Variants in KCNQ4 observed in about 807,000 individuals in gnomAD.
KCNQ4 encodes the protein potassium voltage-gated channel subfamily Q member 4.
KCNQ4 carries 31 observed loss-of-function variants against 72.6 expected under a neutral mutation model. The ratio of observed to expected loss-of-function variants is 0.43; its 90% CI spans 0.32 to 0.58. KCNQ4 has a LOEUF of 0.58. Among genes scored for constraint, KCNQ4 ranks in the 20% least tolerant of loss-of-function variants. The probability of loss-of-function intolerance (pLI) is 0.08; values close to 1 mark genes in which losing one functional copy is unlikely to be tolerated. For synonymous variants in KCNQ4, 405 were observed against 403.7 expected, an observed-to-expected ratio of 1.00 and a Z score of -0.04; for missense variants, 869 against 962.6, an observed-to-expected ratio of 0.90 and a Z score of 1.29.
chr1:40,837,720 G>A lies in KCNQ4; in HGVS notation c.1801G>A (p.Asp601Asn). 1.2e-6 allele frequency: 2 copies of A among 1,613,344 alleles called. No individual in the cohort carries two copies. The highest frequency in any genetic ancestry group is 2.2e-5 in the South Asian group (2 of 90,888). Residue 601 changes from aspartate (D) to asparagine (N), a missense_variant, in exon 13 of 14, where the codon GAC (aspartate) becomes AAC (asparagine). Physicochemically the swap from Asp to Asn is conservative, Grantham distance 23 (BLOSUM62 1). Transcript: ENST00000347132. ...PGDRKAREKG[D>N]KGPSDAEVVD... is the part of the protein sequence containing the mutation. Reference sequence around the variant, plus strand: ...GGACAGGAAGGCCCGGGAGAAGGGCGACAAGGGGCCCTCCGACGCGGAGGT... The same window carrying A: ...GGACAGGAAGGCCCGGGAGAAGGGCAACAAGGGGCCCTCCGACGCGGAGGT...
At chr1:40,827,222 G>A (rs1396226624) in intron 9 of KCNQ4, among the ~76,000 whole-genome samples, 1 of 152,172 alleles carries the variant, frequency 6.6e-6, no homozygotes, top group Non-Finnish European at 1.5e-5. Context: ...CTGTGCACTA[G>A]GGACACGGTG....
At chr1:40,829,508 C>G (rs932225834) in intron 9 of KCNQ4, among the ~76,000 whole-genome samples, 1 of 152,180 alleles carries the variant, frequency 6.6e-6, no homozygotes, top group South Asian at 2.1e-4. Context: ...TCCTGGCCAC[C>G]TTCCTGAAGG....
intron 1 of KCNQ4, among the ~76,000 whole-genome samples, chr1:40,799,099 C>A (rs1647497304): frequency 6.6e-6 from 1 of 152,266 alleles, no homozygotes; most frequent in African/African-American, 2.4e-5. Flanking sequence ...TTGCCCCATG[C>A]CCAGCAGCCC....
chr1:40,810,836 A>T (rs978120167), intron 1 of KCNQ4, among the ~76,000 whole-genome samples: 1 of 152,160 alleles, frequency 6.6e-6, no homozygotes, highest in African/African-American at 2.4e-5. Context: ...TGTGTTTCTG[A>T]CAGGGAAATT....
chr1:40,835,017 C>T lies in KCNQ4; in HGVS notation c.1664C>T (p.Pro555Leu), dbSNP rs764622728. 1.1e-5 allele frequency: 18 copies of T among 1,613,974 alleles called. No homozygotes were observed. Among genetic ancestry groups the T allele is most frequent in the Admixed American group, 3.3e-5 (2 of 60,004 alleles). Reference sequence around the variant, plus strand: ...AGGAAATTCAAGGAGACACTGCGACCGTACGACGTGAAGGACGTCATTGAG... The same window carrying T: ...AGGAAATTCAAGGAGACACTGCGACTGTACGACGTGAAGGACGTCATTGAG... ...AKRKFKETLR[P>L]YDVKDVIEQY... The change falls in exon 12 of 14, where the codon CCG becomes CTG. Residue 555 changes from proline to leucine, a missense_variant. This residue lies in a region of KCNQ4 where 480 missense variants were observed against 501.9 expected (regional missense o/e 0.96). Transcript: ENST00000347132.
intron 1 of KCNQ4, among the ~76,000 whole-genome samples, chr1:40,810,069 A>AAAG (rs1647881990): frequency 6.6e-6 from 1 of 150,828 alleles, no homozygotes; most frequent in African/African-American, 2.4e-5. Context: ...CAAAAAAAAA[A>AAAG]AGAACTCTAC....
rs1339179507 is a variant in KCNQ4, at chr1:40,819,819, C to T, written c.835-56C>T. 5 of 1,388,048 alleles carry T rather than the reference C, an allele frequency of 3.6e-6. No individual in the cohort carries two copies. The East Asian group carries it at 1.1e-4, about 32-fold the overall frequency. 86.0% of individuals were successfully genotyped at this position (1,388,048 alleles called of 1,614,324 possible). ...GGCTCCTACCTGCCTGTACCCCCAA[C>T]AAGCCGTAGGTGGCCCCCGTGACCA... On this transcript the variant is annotated intron_variant, in intron 5 of 13. Transcript: ENST00000347132.
At chr1:40,820,496 G>T (rs927839076) in intron 7 of KCNQ4, among the ~76,000 whole-genome samples, 4 of 152,250 alleles carry the variant, frequency 2.6e-5, no homozygotes, top group Non-Finnish European at 5.9e-5. Context: ...AGCCAGAACT[G>T]CCCTATTGCC....
intron 1 of KCNQ4, among the ~76,000 whole-genome samples, chr1:40,786,306 C>T (rs1557980161): frequency 6.6e-6 from 1 of 152,212 alleles, no homozygotes; most frequent in Non-Finnish European, 1.5e-5. Flanking sequence ...TTACAGCCCC[C>T]ACAAGGGTCA....
In KCNQ4 at chr1:40,838,510, C is replaced by A; in HGVS notation, c.2075C>A (p.Thr692Asn). The change falls in exon 14 of 14, where the codon ACC (threonine) becomes AAC (asparagine). Residue 692 changes from threonine to asparagine, a missense_variant. Around this residue, in one of 5 missense-constraint regions of KCNQ4, gnomAD observed 480 missense variants for 501.9 expected, o/e 0.96. Coordinates refer to ENST00000347132, the MANE Select transcript of KCNQ4 (RefSeq NM_004700.4). ...QTLSISRSVS[T>N]NMD is the part of the protein sequence containing the mutation. ...CTCAGCATCTCCCGCTCGGTCAGCA[C>A]CAACATGGACTGAGGGACTTCTCAG... 6.2e-7 allele frequency: 1 copy of A among 1,614,082 alleles called. No individual in the cohort carries two copies. Among genetic ancestry groups the A allele is most frequent in the Non-Finnish European group, 8.5e-7 (1 of 1,179,908 alleles).
chr1:40,831,397 G>A (rs1010141508), intron 10 of KCNQ4, 93 bp downstream of exon 10: 24 of 1,062,710 alleles, frequency 2.3e-5, no homozygotes, highest in African/African-American at 1.1e-4. Flanking sequence ...TCTGGCTCGC[G>A]TCTCAGCTCT....
At chr1:40,796,461 CACAAAGAGGTT>C (rs1647412331) in intron 1 of KCNQ4, among the ~76,000 whole-genome samples, 1 of 152,130 alleles carries the variant, frequency 6.6e-6, no homozygotes, top group Non-Finnish European at 1.5e-5. Context: ...GAAGTTGAGG[CACAAAGAGGTT>C]ACGTGACTTG....
chr1:40,813,421 C>G (rs1301238947), intron 1 of KCNQ4, among the ~76,000 whole-genome samples: 1 of 151,928 alleles, frequency 6.6e-6, no homozygotes, highest in Non-Finnish European at 1.5e-5. Flanking sequence ...GAAGGTAGAG[C>G]CAATGGAATT....
At chr1:40,831,455 G>A in intron 10 of KCNQ4, 151 bp downstream of exon 10, 1 of 670,938 alleles carries the variant, frequency 1.5e-6, no homozygotes. Flanking sequence ...TCTGTAAAAT[G>A]GGCATTATAA....
chr1:40,837,940 C>T, intron 13 of KCNQ4, 146 bp downstream of exon 13: 2 of 1,159,616 alleles, frequency 1.7e-6, no homozygotes, highest in Non-Finnish European at 2.5e-6. Flanking sequence ...AGCCCCCGCC[C>T]TCGCCGCCAG....
chr1:40,832,262 G>A (rs367869830), intron 10 of KCNQ4, among the ~76,000 whole-genome samples: 2 of 152,182 alleles, frequency 1.3e-5, no homozygotes, highest in African/African-American at 4.8e-5. Context: ...TTTGGCCTTG[G>A]AGGGAGGGGA....
intron 11 of KCNQ4, among the ~76,000 whole-genome samples, 185 bp from the exon 12 acceptor site, chr1:40,834,782 C>T (rs917427390): frequency 6.6e-6 from 1 of 151,990 alleles, no homozygotes; most frequent in Non-Finnish European, 1.5e-5. Flanking sequence ...AACCCCTTTC[C>T]ATCTCATCCC....
At chr1:40,821,311 G>A (rs1011992430) in intron 7 of KCNQ4, among the ~76,000 whole-genome samples, 2 of 152,206 alleles carry the variant, frequency 1.3e-5, no homozygotes, top group Non-Finnish European at 2.9e-5. Flanking sequence ...TCCTGTCTTA[G>A]GAGGGTGCCT....
intron 8 of KCNQ4, among the ~76,000 whole-genome samples, chr1:40,823,851 C>T (rs1000173085): frequency 6.6e-6 from 1 of 152,248 alleles, no homozygotes; most frequent in South Asian, 2.1e-4. Flanking sequence ...AAGCTCCTTG[C>T]ACGGCTGCCC....
Sources: allele counts gnomAD v4.1 joint callset (sites outside exome capture counted in the v4.1 genomes callset), GRCh38; gene constraint gnomAD v4.1.1; regional missense constraint gnomAD v4.1.1; transcripts MANE v1.5; gene names NCBI Gene and HGNC (gene_info 2026-07-23, HGNC 2026-07-21).